The following DGKK variants were observed in gnomAD, a reference collection of about 807,000 sequenced individuals.
DGKK encodes 142 kDa diacylglycerol kinase.
A neutral mutation model predicts 92.2 loss-of-function variants in DGKK; 35 were observed. The ratio of observed to expected loss-of-function variants is 0.38; its 90% CI spans 0.29 to 0.50. DGKK has a LOEUF of 0.50. DGKK is among the 20% of genes least tolerant of loss of function. The pLI, the probability that DGKK is intolerant of heterozygous loss-of-function variation, is 0.92. For synonymous variants in DGKK, 368 were observed against 360.6 expected, an observed-to-expected ratio of 1.02 and a Z score of -0.23; for missense variants, 910 against 992.2, an observed-to-expected ratio of 0.92 and a Z score of 1.11.
intron 8 of DGKK, among the ~76,000 whole-genome samples, chrX:50,397,347 C>T (rs1361113113): frequency 3.6e-5 from 4 of 112,314 alleles, no homozygotes; most frequent in African/African-American, 1.3e-4. Flanking sequence ...TCTTCCCGTA[C>T]TTTTAAAATC....
intron 9 of DGKK, among the ~76,000 whole-genome samples, 188 bp from the exon 10 acceptor site, chrX:50,392,637 C>A (rs111642196): frequency 0.04 from 4,474 of 112,159 alleles, 225 homozygotes; most frequent in African/African-American, 0.14. Context: ...TCAGGCTTTG[C>A]CTCAACTCAT....
intron 1 of DGKK, among the ~76,000 whole-genome samples, chrX:50,451,527 A>C (rs1184994841): frequency 9.0e-6 from 1 of 111,360 alleles, no homozygotes; most frequent in South Asian, 3.8e-4. Flanking sequence ...GAAATTATAT[A>C]TTTATATACA....
intron 1 of DGKK, among the ~76,000 whole-genome samples, chrX:50,443,775 A>G (rs1926223517): frequency 9.3e-6 from 1 of 107,612 alleles, no homozygotes; most frequent in Non-Finnish European, 1.9e-5. Context: ...AGCCTTGGGT[A>G]ACTATCACCA....
chrX:50,393,964 G>A (rs1224344005), intron 8 of DGKK, among the ~76,000 whole-genome samples: 1 of 112,251 alleles, frequency 8.9e-6, no homozygotes, highest in South Asian at 3.7e-4. Flanking sequence ...CAAGACTATA[G>A]GAAAATTATC....
In DGKK at chrX:50,379,680, T is replaced by C. The variant is rs781815305; in HGVS notation, c.2809A>G (p.Ile937Val). The change falls in exon 20 of 28, where the codon ATT (isoleucine) becomes GTT (valine). Residue 937 changes from isoleucine to valine, a missense_variant. Physicochemically the swap from Ile to Val is conservative, Grantham distance 29 (BLOSUM62 3). Transcript: ENST00000611977. ...PNLQGIVVLN[I>V]TSYAGGINFW... The stretch of plus-strand genomic sequence containing the variant: ...TTGATACCTCCAGCATAGCTGGTAA[T>C]GTTGAGCACTACAATGCCTTGCAGG... The C allele has an allele frequency of 2.3e-5, 28 of 1,210,185 alleles. No individual in the cohort carries two copies. In the South Asian group the frequency reaches 4.2e-4, roughly 18 times the overall value.
chrX:50,389,243 T>C lies in DGKK; in HGVS notation c.1927-625A>G, dbSNP rs550941616. Among the ~76,000 whole-genome samples, 17 of 112,220 alleles carry C rather than the reference T, an allele frequency of 1.5e-4. No individual in the cohort carries two copies. In the South Asian group the frequency reaches 3.4e-3, roughly 22 times the overall value. ...TACAACTTCTACTCCTTCCTCTCTA[T>C]CACCCTTGACATTCAAACATCTACC... On this transcript the variant is annotated intron_variant, in intron 12 of 27. Transcript: ENST00000611977.
At chrX:50,454,749 C>G (rs1057261607) in intron 1 of DGKK, among the ~76,000 whole-genome samples, 2 of 111,499 alleles carry the variant, frequency 1.8e-5, no homozygotes, top group Non-Finnish European at 3.8e-5. Context: ...GAATTTGGAG[C>G]TAGATTGTCA....
rs1557232021 is a variant in DGKK at position 50,447,353 on chromosome X, A to C, written c.645+22681T>G. 5.7e-4 allele frequency among the ~76,000 whole-genome samples: 5 copies of C among 8,700 alleles called. 1 individual carries two copies. Among genetic ancestry groups the C allele is most frequent in the African/African-American group, 4.6e-3 (5 of 1,084 alleles). The allele number at this position is 8,700 out of a possible 115,157, so 7.6% of individuals were successfully genotyped here. A position where few individuals can be genotyped will look rare whatever the true frequency, so the allele number is the denominator to read the frequency against. ...ATATATATATATATATTATATATATATATAATATATATATATTATATATAT... is the reference window on the plus strand; with the variant it reads ...ATATATATATATATATTATATATATCTATAATATATATATATTATATATAT... On this transcript the variant is annotated intron_variant, in intron 1 of 27. Coordinates refer to ENST00000611977, the MANE Select transcript of DGKK (RefSeq NM_001013742.4).
intron 8 of DGKK, among the ~76,000 whole-genome samples, chrX:50,396,872 G>A (rs782674779): frequency 1.8e-5 from 2 of 112,201 alleles, no homozygotes; most frequent in South Asian, 7.5e-4. Context: ...TCATAAGGGA[G>A]TGCCCAGTAT....
chrX:50,396,278 GA>G (rs782260730), intron 8 of DGKK, among the ~76,000 whole-genome samples: 1 of 112,061 alleles, frequency 8.9e-6, no homozygotes, highest in East Asian at 2.8e-4. Flanking sequence ...GTATATACAT[GA>G]AGAACTACTG....
At chrX:50,434,207 G>A (rs782814029) in intron 1 of DGKK, among the ~76,000 whole-genome samples, 19 of 110,986 alleles carry the variant, frequency 1.7e-4, no homozygotes, top group African/African-American at 5.2e-4. Context: ...AGCAGCAGGA[G>A]TAGCAATTTC....
chrX:50,377,014 T>C, intron 22 of DGKK, 96 bp from the exon 23 acceptor site: 1 of 903,145 alleles, frequency 1.1e-6, no homozygotes, highest in Non-Finnish European at 1.5e-6. Flanking sequence ...GGGCAATGGG[T>C]ATGTGGGTAC....
intron 1 of DGKK, among the ~76,000 whole-genome samples, chrX:50,446,221 C>T (rs900537625): frequency 1.4e-4 from 15 of 110,872 alleles, no homozygotes; most frequent in Admixed American, 1.9e-4. Context: ...ATCATGTTGT[C>T]TGCAAACAGG....
At chrX:50,464,036 T>A (rs1926828850) in intron 1 of DGKK, among the ~76,000 whole-genome samples, 1 of 110,289 alleles carries the variant, frequency 9.1e-6, no homozygotes, top group Non-Finnish European at 1.9e-5. Flanking sequence ...TAAAAATTAA[T>A]TAAAAATAAA....
At chrX:50,454,606 T>C (rs1557232718) in intron 1 of DGKK, among the ~76,000 whole-genome samples, 21 of 111,937 alleles carry the variant, frequency 1.9e-4, no homozygotes, top group Non-Finnish European at 5.6e-5. Context: ...CTCTTTGATA[T>C]CAGCTGAATA....
chrX:50,416,499 A>C (rs968603287), intron 4 of DGKK, among the ~76,000 whole-genome samples: 5 of 112,554 alleles, frequency 4.4e-5, no homozygotes, highest in Non-Finnish European at 7.5e-5. Context: ...TTGGCTACAG[A>C]TATAATTCCA....
chrX:50,422,526 A>G lies in DGKK; in HGVS notation c.757T>C (p.Phe253Leu). The change falls in exon 3 of 28, where the codon TTT (phenylalanine) becomes CTT (leucine). Residue 253 changes from phenylalanine to leucine, a missense_variant and splice_region_variant. Transcript: ENST00000611977. ...AGATCAATCGTTTCAAAGTGTGCAA[A>G]CTGGAAAGATATAAGACAGAGAGGG... Reference protein sequence around the residue: ...QKLYFAHHPAFAHFETIDLSQ... With the variant: ...QKLYFAHHPALAHFETIDLSQ... The G allele has an allele frequency of 8.3e-7, 1 of 1,201,892 alleles. No individual in the cohort carries two copies. The highest frequency in any genetic ancestry group is 1.1e-6 in the Non-Finnish European group (1 of 889,677).
At chrX:50,393,639 A>G (rs1330557379) in intron 8 of DGKK, among the ~76,000 whole-genome samples, 1 of 112,015 alleles carries the variant, frequency 8.9e-6, no homozygotes, top group African/African-American at 3.2e-5. Context: ...CATACACAAC[A>G]GTATGTTGGA....
intron 8 of DGKK, among the ~76,000 whole-genome samples, chrX:50,398,688 C>T (rs983717730): frequency 2.7e-5 from 3 of 111,869 alleles, no homozygotes; most frequent in South Asian, 7.6e-4. Flanking sequence ...TTTAAAAACA[C>T]CAACACAAGG....
Sources: allele counts gnomAD v4.1 joint callset (sites outside exome capture counted in the v4.1 genomes callset), GRCh38; gene constraint gnomAD v4.1.1; transcripts MANE v1.5; gene names NCBI Gene and HGNC (gene_info 2026-07-23, HGNC 2026-07-21).